CHRM3: variants seen among roughly 807,000 people sequenced by gnomAD.
CHRM3 encodes the protein muscarinic acetylcholine receptor M3.
CHRM3 carries 11 observed loss-of-function variants against 41.8 expected under a neutral mutation model. The ratio of observed to expected loss-of-function variants is 0.26; its 90% CI spans 0.17 to 0.44. The LOEUF is 0.44. Ranked by LOEUF, CHRM3 falls within the 20% of genes least tolerant of loss-of-function variation. The probability of loss-of-function intolerance (pLI) is 1.00; values close to 1 mark genes in which losing one functional copy is unlikely to be tolerated. For missense variants in CHRM3, 571 were observed against 745.4 expected (o/e 0.77, Z 2.72); for synonymous variants, 297 against 301.4 (o/e 0.99, Z 0.15).
intron 1 of CHRM3, among the ~76,000 whole-genome samples, chr1:239,460,717 T>C (rs16838359): frequency 0.064 from 9,808 of 152,220 alleles, 600 homozygotes; most frequent in African/African-American, 0.16. Flanking sequence ...TAGCAGAAGC[T>C]AACAATGAGT....
chr1:239,630,565 G>A (rs12034970), intron 3 of CHRM3, among the ~76,000 whole-genome samples: 2,652 of 152,282 alleles, frequency 0.017, 74 homozygotes, highest in East Asian at 0.11. Context: ...GTTAGATAGA[G>A]ATGAGGGAGA....
At chr1:239,404,446 GAAAGAA>G (rs1443579714) in intron 1 of CHRM3, among the ~76,000 whole-genome samples, 2 of 136,074 alleles carry the variant, frequency 1.5e-5, no homozygotes, top group Non-Finnish European at 3.2e-5. Flanking sequence ...AAGAAAGAAA[GAAAGAA>G]AGAAAGAAAG....
intron 6 of CHRM3, among the ~76,000 whole-genome samples, chr1:239,835,529 A>G (rs1489738203): frequency 2.6e-5 from 4 of 152,096 alleles, no homozygotes; most frequent in African/African-American, 4.8e-5. Context: ...ACTTTCTTCT[A>G]TGTGCAAAGA....
intron 2 of CHRM3, among the ~76,000 whole-genome samples, chr1:239,529,632 CAAA>C: frequency 7.5e-6 from 1 of 132,710 alleles, no homozygotes; most frequent in Non-Finnish European, 1.6e-5. Flanking sequence ...AAAAAAAAAA[CAAA>C]CAAACAACAA....
At chr1:239,645,497 C>CAT (rs1671666608) in intron 4 of CHRM3, among the ~76,000 whole-genome samples, 1 of 152,068 alleles carries the variant, frequency 6.6e-6, no homozygotes. Flanking sequence ...ATCAAAGGAA[C>CAT]ATGTGGACTA....
chr1:239,878,682 C>T lies in CHRM3; in HGVS notation c.-19-28751C>T, dbSNP rs887161324. On this transcript the variant is annotated intron_variant, in intron 6 of 6. Coordinates refer to ENST00000676153, the MANE Select transcript of CHRM3 (RefSeq NM_001375978.1). ...TATGCCCTATATATCCATGCACTGA[C>T]TCTGGGCCAGGTAGCTTGTCGGACA... Among the ~76,000 whole-genome samples the T allele has an allele frequency of 2.0e-5, 3 of 151,956 alleles. No individual in the cohort carries two copies. In the East Asian group the frequency reaches 5.8e-4, roughly 29 times the overall value.
intron 5 of CHRM3, among the ~76,000 whole-genome samples, chr1:239,681,247 A>G (rs946126502): frequency 1.1e-4 from 17 of 152,150 alleles, no homozygotes; most frequent in South Asian, 2.1e-4. Flanking sequence ...TGAAATCTTT[A>G]CTGTAGACTC....
intron 4 of CHRM3, among the ~76,000 whole-genome samples, chr1:239,641,306 T>C (rs1489084295): frequency 6.6e-6 from 1 of 151,638 alleles, no homozygotes; most frequent in African/African-American, 2.4e-5. Context: ...CTGAGTTCAA[T>C]TCCTGGATAT....
At chr1:239,793,597 G>A (rs1281839517) in intron 5 of CHRM3, among the ~76,000 whole-genome samples, 2 of 152,146 alleles carry the variant, frequency 1.3e-5, no homozygotes, top group East Asian at 3.9e-4. Flanking sequence ...TCATAGAATG[G>A]AATTGCTGTA....
intron 5 of CHRM3, among the ~76,000 whole-genome samples, chr1:239,821,994 C>T (rs573568397): frequency 2.6e-5 from 4 of 152,282 alleles, no homozygotes; most frequent in East Asian, 1.9e-4. Context: ...CCTGCTTCTC[C>T]TTTGCCTTCC....
intron 6 of CHRM3, among the ~76,000 whole-genome samples, chr1:239,865,636 G>A (rs932979860): frequency 6.6e-6 from 1 of 152,096 alleles, no homozygotes; most frequent in Admixed American, 6.5e-5. Flanking sequence ...GGATGTTCAG[G>A]GGTCAACAGG....
intron 1 of CHRM3, among the ~76,000 whole-genome samples, chr1:239,455,242 G>A (rs1336562757): frequency 6.6e-6 from 1 of 151,932 alleles, no homozygotes; most frequent in Non-Finnish European, 1.5e-5. Context: ...GTAGACACGG[G>A]GTTTCTCCCT....
intron 6 of CHRM3, among the ~76,000 whole-genome samples, chr1:239,881,193 G>C (rs1677575678): frequency 1.4e-5 from 2 of 145,724 alleles, no homozygotes; most frequent in South Asian, 4.4e-4. Context: ...TGAGGCAGGA[G>C]AATGGCGTGA....
In CHRM3 at chr1:239,913,047, T is replaced by A. The variant is rs527922269; in HGVS notation, c.*3823T>A. ...TCAAAACTGAGGTCAGCAGCTACCA[T>A]GACGAAAGTAAAATGGTATATTGGG... On this transcript the variant is annotated 3_prime_UTR_variant, in exon 7 of 7. Coordinates refer to ENST00000676153, the MANE Select transcript of CHRM3 (RefSeq NM_001375978.1). The A allele has an allele frequency of 6.0e-6, 1 of 167,196 alleles. No homozygotes were observed. Among genetic ancestry groups the A allele is most frequent in the Non-Finnish European group, 1.5e-5 (1 of 68,108 alleles). 10.4% of individuals were successfully genotyped at this position (167,196 alleles called of 1,614,324 possible). A position where few individuals can be genotyped will look rare whatever the true frequency, so the allele number is the denominator to read the frequency against.
chr1:239,564,664 A>G (rs1417156152), intron 3 of CHRM3, among the ~76,000 whole-genome samples: 3 of 152,126 alleles, frequency 2.0e-5, no homozygotes, highest in Non-Finnish European at 2.9e-5. Context: ...TTAGGTAACA[A>G]ATTGTATTTT....
intron 1 of CHRM3, among the ~76,000 whole-genome samples, chr1:239,435,312 T>C (rs911439684): frequency 2.6e-5 from 4 of 151,540 alleles, no homozygotes; most frequent in Non-Finnish European, 5.9e-5. Context: ...CAGCCGGGTG[T>C]GGTGGCGGGT....
intron 6 of CHRM3, among the ~76,000 whole-genome samples, chr1:239,891,245 G>A (rs1678526820): frequency 6.6e-6 from 1 of 152,134 alleles, no homozygotes; most frequent in African/African-American, 2.4e-5. Flanking sequence ...CCCAGAGGAG[G>A]TGCAATTCAA....
intron 5 of CHRM3, among the ~76,000 whole-genome samples, chr1:239,712,359 GAA>G (rs1482473388): frequency 6.6e-6 from 1 of 151,954 alleles, no homozygotes; most frequent in Non-Finnish European, 1.5e-5. Flanking sequence ...GTCAGAAAAA[GAA>G]AAAAGATTAT....
chr1:239,900,776 G>C (rs963422740), intron 6 of CHRM3, among the ~76,000 whole-genome samples: 1 of 152,158 alleles, frequency 6.6e-6, no homozygotes, highest in African/African-American at 2.4e-5. Context: ...AACCCAAGTA[G>C]AACTAGGATT....
Sources: gnomAD v4.1 joint callset for allele counts (sites outside exome capture counted in the v4.1 genomes callset) on GRCh38, gnomAD v4.1.1 for gene constraint, MANE v1.5 for transcripts, NCBI Gene and HGNC (gene_info 2026-07-23, HGNC 2026-07-21) for gene names.